CTNND2: variants seen among roughly 807,000 people sequenced by gnomAD.
The protein encoded by CTNND2 is catenin delta-2.
In CTNND2, 22 loss-of-function variants were observed where a neutral mutation model predicts 144.4. That is an observed-to-expected ratio of 0.15 (90% CI 0.11 to 0.22). CTNND2 has a LOEUF of 0.22. CTNND2 is among the 10% of genes least tolerant of loss of function. The pLI is 1.00. For synonymous variants in CTNND2, 751 were observed against 695.6 expected (o/e 1.08, Z -1.25); for missense variants, 1,353 against 1,618.8 (o/e 0.84, Z 2.82).
intron 3 of CTNND2, among the ~76,000 whole-genome samples, chr5:11,491,877 T>C (rs1465594032): frequency 1.3e-5 from 2 of 152,198 alleles, no homozygotes; most frequent in Non-Finnish European, 2.9e-5. Context: ...TGACGCATTC[T>C]AGTTACCATT....
intron 1 of CTNND2, among the ~76,000 whole-genome samples, chr5:11,750,442 T>G (rs2126784253): frequency 6.6e-6 from 1 of 152,032 alleles, no homozygotes; most frequent in South Asian, 2.1e-4. Flanking sequence ...ATTAAGCCAG[T>G]GTGATTTTGG....
chr5:11,492,588 A>AGCTG (rs1769523887), intron 3 of CTNND2, among the ~76,000 whole-genome samples: 1 of 151,576 alleles, frequency 6.6e-6, no homozygotes, highest in African/African-American at 2.4e-5. Context: ...TTCCATGAAA[A>AGCTG]AGAAATAAAC....
chr5:11,164,303 T>C (rs573143707), intron 11 of CTNND2, among the ~76,000 whole-genome samples: 5 of 152,292 alleles, frequency 3.3e-5, no homozygotes, highest in South Asian at 2.1e-4. Flanking sequence ...GGGGTGGGCT[T>C]TTTTTGCAGG....
intron 1 of CTNND2, among the ~76,000 whole-genome samples, chr5:11,895,556 T>C (rs1402525201): frequency 6.6e-6 from 1 of 152,188 alleles, no homozygotes; most frequent in Non-Finnish European, 1.5e-5. Flanking sequence ...GCTCCACTGC[T>C]GTATTTACTA....
At chr5:11,154,041 A>T (rs1430743602) in intron 12 of CTNND2, among the ~76,000 whole-genome samples, 3 of 152,226 alleles carry the variant, frequency 2.0e-5, no homozygotes, top group Admixed American at 2.0e-4. Context: ...GATCTTTAGG[A>T]TATGCATCGG....
chr5:11,805,194 A>G (rs1791924696), intron 1 of CTNND2, among the ~76,000 whole-genome samples: 1 of 152,188 alleles, frequency 6.6e-6, no homozygotes, highest in Admixed American at 6.5e-5. Flanking sequence ...AGAATGATCC[A>G]GGAGGTAACA....
At chr5:11,000,486 A>G (rs890573566) in intron 18 of CTNND2, among the ~76,000 whole-genome samples, 1 of 152,168 alleles carries the variant, frequency 6.6e-6, no homozygotes, top group Non-Finnish European at 1.5e-5. Context: ...GTGCCACTGC[A>G]CTCCAGCCTG....
chr5:11,764,830 T>C (rs1332132103), intron 1 of CTNND2, among the ~76,000 whole-genome samples: 1 of 152,172 alleles, frequency 6.6e-6, no homozygotes, highest in Non-Finnish European at 1.5e-5. Context: ...AACCAGTTTC[T>C]ACTACAAAGT....
At chr5:11,192,998 T>C (rs1210231950) in intron 11 of CTNND2, among the ~76,000 whole-genome samples, 1 of 152,130 alleles carries the variant, frequency 6.6e-6, no homozygotes, top group Non-Finnish European at 1.5e-5. Flanking sequence ...GGGACCATTG[T>C]TCACACCTTT....
At chr5:11,627,509 T>A (rs2126454280) in intron 2 of CTNND2, among the ~76,000 whole-genome samples, 1 of 152,230 alleles carries the variant, frequency 6.6e-6, no homozygotes, top group East Asian at 1.9e-4. Context: ...TGATGAAAGC[T>A]ATGGTTGAAA....
At chr5:11,662,277 A>G (rs200510502) in intron 2 of CTNND2, among the ~76,000 whole-genome samples, 1,576 of 114,004 alleles carry the variant, frequency 0.014, 14 homozygotes, top group Non-Finnish European at 0.017. Context: ...GTGTGTGTAT[A>G]TATATATATA....
At chr5:11,348,601 G>A (rs1047729691) in intron 8 of CTNND2, among the ~76,000 whole-genome samples, 4 of 152,102 alleles carry the variant, frequency 2.6e-5, no homozygotes, top group East Asian at 3.9e-4. Context: ...TGCTATTAAT[G>A]TATTCAATAC....
At chr5:11,406,709 T>C (rs533359030) in intron 5 of CTNND2, among the ~76,000 whole-genome samples, 1 of 152,286 alleles carries the variant, frequency 6.6e-6, no homozygotes, top group Non-Finnish European at 1.5e-5. Context: ...TTTGCCTCTG[T>C]TAAACTATAT....
chr5:11,059,284 G>T (rs1746667193), intron 16 of CTNND2, among the ~76,000 whole-genome samples: 1 of 152,190 alleles, frequency 6.6e-6, no homozygotes, highest in Non-Finnish European at 1.5e-5. Flanking sequence ...CTAGTGGGAG[G>T]TAACTGAATC....
chr5:11,444,302 A>G (rs1280425430), intron 3 of CTNND2, among the ~76,000 whole-genome samples: 2 of 152,204 alleles, frequency 1.3e-5, no homozygotes, highest in South Asian at 2.1e-4. Flanking sequence ...TCATACTCCA[A>G]AAAGTGCTAA....
At chr5:11,827,827 C>T (rs1199088793) in intron 1 of CTNND2, among the ~76,000 whole-genome samples, 2 of 152,082 alleles carry the variant, frequency 1.3e-5, no homozygotes, top group Non-Finnish European at 2.9e-5. Flanking sequence ...ACACAATTTG[C>T]TTCAAAGGTG....
intron 1 of CTNND2, among the ~76,000 whole-genome samples, chr5:11,748,520 C>A (rs1472929594): frequency 6.6e-6 from 1 of 152,044 alleles, no homozygotes; most frequent in African/African-American, 2.4e-5. Flanking sequence ...GGGTGATTAT[C>A]AATTCCCAGC....
intron 3 of CTNND2, among the ~76,000 whole-genome samples, chr5:11,461,075 C>T (rs1405384592): frequency 6.6e-6 from 1 of 151,730 alleles, no homozygotes; most frequent in Non-Finnish European, 1.5e-5. Flanking sequence ...CTTCACTTTC[C>T]CCGCTAGTCC....
At chr5:11,051,303 G>A (rs1011458958) in intron 16 of CTNND2, among the ~76,000 whole-genome samples, 6 of 152,168 alleles carry the variant, frequency 3.9e-5, no homozygotes, top group Non-Finnish European at 8.8e-5. Context: ...TTTTGGGTGG[G>A]GGACAAGCAA....
Sources: allele counts gnomAD v4.1 joint callset (sites outside exome capture counted in the v4.1 genomes callset), GRCh38; gene constraint gnomAD v4.1.1; transcripts MANE v1.5; gene names NCBI Gene and HGNC (gene_info 2026-07-23, HGNC 2026-07-21).